Variants in PRKG1 observed in about 807,000 individuals in gnomAD.
PRKG1 encodes protein kinase cGMP-dependent 1, also known as cGMP-dependent protein kinase 1.
Under a neutral mutation model 88.1 loss-of-function variants are expected in PRKG1, and 35 were observed. The observed-to-expected ratio is 0.40, with a 90% CI of 0.30 to 0.53. The LOEUF (loss-of-function observed/expected upper bound fraction) is 0.53. PRKG1 is among the 20% of genes least tolerant of loss of function. The pLI, the probability that PRKG1 is intolerant of heterozygous loss-of-function variation, is 0.59. For synonymous variants in PRKG1, 303 were observed against 292.5 expected (o/e 1.04, Z -0.37); for missense variants, 540 against 839.8 (o/e 0.64, Z 4.41).
intron 2 of PRKG1, among the ~76,000 whole-genome samples, chr10:51,298,404 T>C (rs1840779268): frequency 6.6e-6 from 1 of 152,212 alleles, no homozygotes; most frequent in Non-Finnish European, 1.5e-5. Context: ...AATTACTGAT[T>C]ACATGAACCT....
At chr10:51,138,946 T>C (rs1010441159) in intron 1 of PRKG1, among the ~76,000 whole-genome samples, 4 of 151,924 alleles carry the variant, frequency 2.6e-5, no homozygotes, top group Non-Finnish European at 5.9e-5. Flanking sequence ...GCCTCCAAAG[T>C]GCTGGGATTA....
At chr10:52,047,865 G>T (rs1442422033) in intron 5 of PRKG1, among the ~76,000 whole-genome samples, 1 of 152,010 alleles carries the variant, frequency 6.6e-6, no homozygotes, top group Non-Finnish European at 1.5e-5. Context: ...CTTCTTCTGA[G>T]ATATATCTTC....
chr10:51,800,908 G>A lies in PRKG1; in HGVS notation c.593-3677G>A, dbSNP rs978612597. Among the ~76,000 whole-genome samples, 8 of 152,112 alleles carry A rather than the reference G, an allele frequency of 5.3e-5. No individual in the cohort carries two copies. The East Asian group carries it at 1.5e-3, about 29-fold the overall frequency. The stretch of plus-strand genomic sequence containing the variant: ...AACCACCCTCTGATAGCATCACATT[G>A]GGGATAGGGCTTCAACGTTTGAATT... On this transcript the variant is annotated intron_variant, in intron 3 of 17. Transcript: ENST00000373980.
chr10:51,301,914 C>T (rs1351019947), intron 2 of PRKG1, among the ~76,000 whole-genome samples: 1 of 152,208 alleles, frequency 6.6e-6, no homozygotes, highest in Non-Finnish European at 1.5e-5. Flanking sequence ...GAGTGTGTGA[C>T]TGCCTTCTCT....
chr10:52,168,454 A>G (rs1467786459), intron 9 of PRKG1, among the ~76,000 whole-genome samples: 3 of 152,202 alleles, frequency 2.0e-5, no homozygotes, highest in Non-Finnish European at 4.4e-5. Flanking sequence ...ACCTAGAACA[A>G]AAGAGAGAAG....
chr10:52,037,472 T>C (rs930110872), intron 5 of PRKG1, among the ~76,000 whole-genome samples: 3 of 152,236 alleles, frequency 2.0e-5, no homozygotes, highest in African/African-American at 7.2e-5. Context: ...ATAAAATGTA[T>C]TTTGAGAATA....
At chr10:51,890,277 A>G (rs1329808808) in intron 4 of PRKG1, among the ~76,000 whole-genome samples, 1 of 152,180 alleles carries the variant, frequency 6.6e-6, no homozygotes, top group Non-Finnish European at 1.5e-5. Flanking sequence ...AATCTGTCCT[A>G]ATTCCTCCTA....
At chr10:51,947,905 A>G (rs1019239978) in intron 5 of PRKG1, among the ~76,000 whole-genome samples, 3 of 152,018 alleles carry the variant, frequency 2.0e-5, no homozygotes, top group Admixed American at 6.6e-5. Flanking sequence ...GTGAAGGAAA[A>G]CTCAGCAGAC....
chr10:51,963,768 T>G (rs1843503508), intron 5 of PRKG1, among the ~76,000 whole-genome samples: 1 of 152,116 alleles, frequency 6.6e-6, no homozygotes, highest in Non-Finnish European at 1.5e-5. Flanking sequence ...TAAGTTTCCT[T>G]GTGCACATAA....
intron 1 of PRKG1, among the ~76,000 whole-genome samples, chr10:51,024,341 T>A (rs1843173710): frequency 6.6e-6 from 1 of 152,158 alleles, no homozygotes; most frequent in South Asian, 2.1e-4. Flanking sequence ...CAGAACAGAT[T>A]TTTCTTTCTT....
intron 3 of PRKG1, among the ~76,000 whole-genome samples, chr10:51,523,701 C>T (rs1841796915): frequency 1.3e-5 from 2 of 152,154 alleles, no homozygotes; most frequent in African/African-American, 2.4e-5. Context: ...GCAGAACTGC[C>T]ATCAGATCTG....
intron 4 of PRKG1, among the ~76,000 whole-genome samples, chr10:51,819,343 T>G (rs532363948): frequency 4.6e-5 from 7 of 152,202 alleles, no homozygotes; most frequent in Non-Finnish European, 8.8e-5. Context: ...AATCTATTCA[T>G]AAGGGATTCA....
At chr10:51,101,907 G>A (rs1336984214) in intron 1 of PRKG1, among the ~76,000 whole-genome samples, 1 of 152,174 alleles carries the variant, frequency 6.6e-6, no homozygotes, top group Non-Finnish European at 1.5e-5. Context: ...ATGTGTTTAA[G>A]AATTAGTAAG....
intron 3 of PRKG1, among the ~76,000 whole-genome samples, chr10:51,540,096 A>G (rs566255300): frequency 2.0e-5 from 3 of 152,284 alleles, no homozygotes; most frequent in Admixed American, 6.5e-5. Flanking sequence ...TTTCTCTGCT[A>G]TAACTGTAGG....
In PRKG1 at chr10:51,301,280, G is replaced by C. The variant is rs188522431; in HGVS notation, c.478+147950G>C. ...GCTGAAGGGTATTTTTAATAACTTG[G>C]TATGTTTGGGAGTCAAAGGAGGCCA... is the stretch of plus-strand genomic sequence containing the variant. On this transcript the variant is annotated intron_variant, in intron 2 of 17. Transcript: ENST00000373980. 2.0e-5 allele frequency among the ~76,000 whole-genome samples: 3 copies of C among 152,124 alleles called. No homozygotes were observed. The East Asian group carries it at 5.8e-4, about 29-fold the overall frequency.
chr10:52,290,955 A>G (rs1842227282), intron 17 of PRKG1, among the ~76,000 whole-genome samples: 1 of 143,570 alleles, frequency 7.0e-6, no homozygotes, highest in Non-Finnish European at 1.5e-5. Context: ...TGGAGTCTTA[A>G]TCTGTCACCC....
chr10:51,587,930 A>G (rs1838213618), intron 3 of PRKG1, among the ~76,000 whole-genome samples: 1 of 152,244 alleles, frequency 6.6e-6, no homozygotes, highest in Non-Finnish European at 1.5e-5. Flanking sequence ...TACAAAACAT[A>G]TCTGGATTAA....
intron 4 of PRKG1, among the ~76,000 whole-genome samples, chr10:51,827,714 C>A (rs1839910961): frequency 1.3e-5 from 2 of 152,068 alleles, no homozygotes; most frequent in Admixed American, 6.5e-5. Context: ...TCTTTCACTG[C>A]CCTTTACTTT....
chr10:51,159,493 A>G (rs2131985487), intron 2 of PRKG1, among the ~76,000 whole-genome samples: 1 of 152,284 alleles, frequency 6.6e-6, no homozygotes, highest in African/African-American at 2.4e-5. Flanking sequence ...TGTTAAAGAG[A>G]AAGCTTGTGT....
Sources: allele counts gnomAD v4.1 joint callset (sites outside exome capture counted in the v4.1 genomes callset), GRCh38; gene constraint gnomAD v4.1.1; transcripts MANE v1.5; gene names NCBI Gene and HGNC (gene_info 2026-07-23, HGNC 2026-07-21).